Variants in MAGI2 observed in about 807,000 individuals in gnomAD.
The protein encoded by MAGI2 is membrane-associated guanylate kinase, WW and PDZ domain-containing protein 2.
MAGI2 carries 35 observed loss-of-function variants against 133.3 expected under a neutral mutation model. The observed-to-expected ratio is 0.26, with a 90% CI of 0.20 to 0.35. The LOEUF (loss-of-function observed/expected upper bound fraction) is 0.35. Among genes scored for constraint, MAGI2 ranks in the 10% least tolerant of loss-of-function variants. The pLI is 1.00. For missense variants in MAGI2, 1,636 were observed against 1,863.4 expected (o/e 0.88, Z 2.25); for synonymous variants, 729 against 710.6 (o/e 1.03, Z -0.41).
intron 2 of MAGI2, among the ~76,000 whole-genome samples, chr7:78,719,023 A>G (rs1346182950): frequency 1.3e-5 from 2 of 152,202 alleles, no homozygotes; most frequent in African/African-American, 4.8e-5. Context: ...TGTATTGAAT[A>G]ACAGACTTGG....
chr7:78,133,009 G>A lies in MAGI2; in HGVS notation c.3083C>T (p.Ala1028Val), dbSNP rs148526889. ...APSSEKQSPM[A>V]QQSPLAQQSP... ...CTGCTGTGCCAGGGGACTCTGCTGC[G>A]CCATGGGACTCTGCTTCTCTGAGCT... Residue 1028 changes from alanine (A) to valine (V), a missense_variant, in exon 18 of 22, where the codon GCG (alanine) becomes GTG (valine). This residue lies in a region of MAGI2 where 920 missense variants were observed against 1,093.5 expected (regional missense o/e 0.84). Coordinates refer to ENST00000354212, the MANE Select transcript of MAGI2 (RefSeq NM_012301.4). 1.6e-4 allele frequency: 253 copies of A among 1,603,438 alleles called. 2 individuals carry two copies. The highest frequency in any genetic ancestry group is 2.0e-4 in the Non-Finnish European group (240 of 1,176,228).
rs1268664280 is a variant in MAGI2 at position 78,052,223 on chromosome 7, G to A, written c.3706+26724C>T. Reference sequence around the variant, plus strand: ...TGAAATTTGATCCCCAGTGTTGGAGGTAGGGCCTGGGAGGTGTTTGGGTCA... The same window carrying A: ...TGAAATTTGATCCCCAGTGTTGGAGATAGGGCCTGGGAGGTGTTTGGGTCA... On this transcript the variant is annotated intron_variant, in intron 21 of 21. Transcript: ENST00000354212. 2.6e-5 allele frequency among the ~76,000 whole-genome samples: 4 copies of A among 152,278 alleles called. No homozygotes were observed. The East Asian group carries it at 7.7e-4, about 29-fold the overall frequency.
chr7:78,571,188 G>A (rs1488418305), intron 3 of MAGI2, among the ~76,000 whole-genome samples: 2 of 152,080 alleles, frequency 1.3e-5, no homozygotes, highest in African/African-American at 4.8e-5. Flanking sequence ...TTATAAAGAA[G>A]CCTCTTAAGT....
At chr7:79,385,623 C>T (rs1844119493) in intron 1 of MAGI2, among the ~76,000 whole-genome samples, 1 of 151,656 alleles carries the variant, frequency 6.6e-6, no homozygotes, top group East Asian at 1.9e-4. Context: ...GAGATCATGC[C>T]GTATTTTTCT....
intron 1 of MAGI2, among the ~76,000 whole-genome samples, chr7:79,391,395 T>C (rs1257925299): frequency 1.3e-5 from 2 of 150,750 alleles, no homozygotes; most frequent in Non-Finnish European, 3.0e-5. Context: ...TAGACTCCAT[T>C]CTTATTACGG....
chr7:79,109,477 G>A (rs184427956), intron 1 of MAGI2, among the ~76,000 whole-genome samples: 14 of 152,308 alleles, frequency 9.2e-5, no homozygotes, highest in East Asian at 5.8e-4. Flanking sequence ...GGTATCTGGC[G>A]GAAGAAATGT....
At chr7:79,449,435 G>A (rs12539773) in intron 1 of MAGI2, among the ~76,000 whole-genome samples, 45,679 of 150,640 alleles carry the variant, frequency 0.3, 6,989 homozygotes, top group East Asian at 0.38. Context: ...GTCTCTATGT[G>A]GTATTAGATG....
rs76156090 is a variant in MAGI2, at chr7:79,432,547, G to C, written c.301+20473C>G. Among the ~76,000 whole-genome samples, 1,077 of 152,340 alleles carry C rather than the reference G, an allele frequency of 7.1e-3. 11 individuals are homozygous for C. The highest frequency in any genetic ancestry group is 0.025 in the African/African-American group (1,037 of 41,570). On this transcript the variant is annotated intron_variant, in intron 1 of 21. Coordinates refer to ENST00000354212, the MANE Select transcript of MAGI2 (RefSeq NM_012301.4). ...TATTTGGGAAAGAAGTGAGATGGCT[G>C]CATTTCCACTACATGGTAGGTCAGG...
intron 21 of MAGI2, among the ~76,000 whole-genome samples, chr7:78,077,880 C>T (rs1006862546): frequency 2.0e-5 from 3 of 151,834 alleles, no homozygotes; most frequent in African/African-American, 7.3e-5. Context: ...TAGGCATGTG[C>T]CACCATGCCT....
chr7:78,879,796 T>A (rs1024113569), intron 2 of MAGI2, among the ~76,000 whole-genome samples: 8 of 152,032 alleles, frequency 5.3e-5, no homozygotes, highest in African/African-American at 1.7e-4. Flanking sequence ...AGAAGCTTAA[T>A]GAGATTCAGA....
At chr7:78,287,767 T>C (rs989729597) in intron 9 of MAGI2, among the ~76,000 whole-genome samples, 1 of 152,222 alleles carries the variant, frequency 6.6e-6, no homozygotes, top group African/African-American at 2.4e-5. Flanking sequence ...TAGCAATCAT[T>C]TAAAAGTGTT....
At chr7:79,017,757 A>G (rs1016554446) in intron 1 of MAGI2, among the ~76,000 whole-genome samples, 4 of 152,246 alleles carry the variant, frequency 2.6e-5, no homozygotes, top group Non-Finnish European at 5.9e-5. Context: ...GATAGAGCTT[A>G]AAAACATGGT....
At position 78,845,994 on chromosome 7, in the gene MAGI2, T is replaced by C. The variant is rs116916721; in HGVS notation, c.418+161096A>G. ...TTTTCAGGTAAAACCGTTGGTAGTA[T>C]GAGTGATATGAAATATTACTGAATT... On this transcript the variant is annotated intron_variant, in intron 2 of 21. Transcript: ENST00000354212. Among the ~76,000 whole-genome samples, 1,009 of 152,066 alleles carry C rather than the reference T, an allele frequency of 6.6e-3. 11 individuals carry two copies. Among genetic ancestry groups the C allele is most frequent in the Non-Finnish European group, 8.1e-3 (553 of 67,918 alleles).
chr7:79,386,510 ATACT>A (rs1204359842), intron 1 of MAGI2, among the ~76,000 whole-genome samples: 1 of 152,084 alleles, frequency 6.6e-6, no homozygotes, highest in African/African-American at 2.4e-5. Flanking sequence ...AAGAATATTG[ATACT>A]TAGTTACTCT....
At chr7:79,168,237 C>A (rs1825137788) in intron 1 of MAGI2, among the ~76,000 whole-genome samples, 1 of 151,978 alleles carries the variant, frequency 6.6e-6, no homozygotes, top group African/African-American at 2.4e-5. Flanking sequence ...ATTCCTCTAG[C>A]CCTGCTGGGT....
At chr7:79,451,139 C>T (rs575871832) in intron 1 of MAGI2, among the ~76,000 whole-genome samples, 2 of 152,150 alleles carry the variant, frequency 1.3e-5, no homozygotes, top group Non-Finnish European at 2.9e-5. Flanking sequence ...AGTTTGCCAA[C>T]GTCCGCCTCA....
chr7:78,748,368 A>G (rs1236382243), intron 2 of MAGI2, among the ~76,000 whole-genome samples: 2 of 152,134 alleles, frequency 1.3e-5, no homozygotes, highest in Non-Finnish European at 2.9e-5. Flanking sequence ...TTTTTTCTGG[A>G]ATTCCATAAA....
chr7:79,356,506 C>G (rs1033730301), intron 1 of MAGI2, among the ~76,000 whole-genome samples: 2 of 152,194 alleles, frequency 1.3e-5, no homozygotes, highest in Non-Finnish European at 1.5e-5. Context: ...TTCCTATTTA[C>G]AGCATTAATT....
chr7:78,395,542 C>T (rs1215278392), intron 6 of MAGI2, among the ~76,000 whole-genome samples: 1 of 152,102 alleles, frequency 6.6e-6, no homozygotes, highest in African/African-American at 2.4e-5. Flanking sequence ...GCATTTTATG[C>T]ATTTTTGCAG....
Sources: allele counts gnomAD v4.1 joint callset (sites outside exome capture counted in the v4.1 genomes callset), GRCh38; gene constraint gnomAD v4.1.1; regional missense constraint gnomAD v4.1.1; transcripts MANE v1.5; gene names NCBI Gene and HGNC (gene_info 2026-07-23, HGNC 2026-07-21).